Variants in LRBA observed in about 807,000 individuals in gnomAD.
The protein encoded by LRBA is LPS responsive beige-like anchor protein.
In LRBA, 176 loss-of-function variants were observed where a neutral mutation model predicts 330.0. That is an observed-to-expected ratio of 0.53 (90% CI 0.47 to 0.60). The LOEUF is 0.60. Ranked by LOEUF, LRBA falls within the 20% of genes least tolerant of loss-of-function variation. The pLI, the probability that LRBA is intolerant of heterozygous loss-of-function variation, is 0.00. For synonymous variants in LRBA, 1,230 were observed against 1,193.0 expected (o/e 1.03, Z -0.64); for missense variants, 3,259 against 3,444.8 (o/e 0.95, Z 1.35).
At chr4:150,378,842 T>C (rs1741756098) in intron 47 of LRBA, among the ~76,000 whole-genome samples, 1 of 152,074 alleles carries the variant, frequency 6.6e-6, no homozygotes, top group South Asian at 2.1e-4. Context: ...TAGCAATCAC[T>C]CAGGGAACAG....
At position 150,868,118 on chromosome 4, in the gene LRBA, T is replaced by C. The variant is rs141084708; in HGVS notation, c.2573+64A>G. The C allele has an allele frequency of 1.5e-4, 218 of 1,497,886 alleles. No individual in the cohort carries two copies. The African/African-American group carries it at 2.3e-3, about 16-fold the overall frequency. 92.8% of individuals were successfully genotyped at this position (1,497,886 alleles called of 1,614,324 possible). A position where few individuals can be genotyped will look rare whatever the true frequency, so the allele number is the denominator to read the frequency against. ...TATTTTTAAAGCAATTTTTCTTAGA[T>C]AAAATGGGCTTATACAAAAGTACAT... On this transcript the variant is annotated intron_variant, in intron 21 of 56. Transcript: ENST00000651943.
At chr4:150,575,622 C>T (rs959392527) in intron 40 of LRBA, among the ~76,000 whole-genome samples, 32 of 151,846 alleles carry the variant, frequency 2.1e-4, no homozygotes, top group African/African-American at 7.7e-4. Flanking sequence ...AGAAATAGCA[C>T]ATAATGCCAA....
intron 40 of LRBA, among the ~76,000 whole-genome samples, chr4:150,532,064 T>C (rs1158690330): frequency 6.6e-6 from 1 of 152,244 alleles, no homozygotes; most frequent in Non-Finnish European, 1.5e-5. Flanking sequence ...TCAAATGGCA[T>C]GTTCTTACAG....
At chr4:150,533,426 G>T (rs967941542) in intron 40 of LRBA, among the ~76,000 whole-genome samples, 1 of 151,924 alleles carries the variant, frequency 6.6e-6, no homozygotes, top group African/African-American at 2.4e-5. Context: ...TGTCTCCTTG[G>T]GCTCCCAAAG....
At chr4:150,803,274 T>G (rs1285991965) in intron 33 of LRBA, among the ~76,000 whole-genome samples, 1 of 151,882 alleles carries the variant, frequency 6.6e-6, no homozygotes, top group Non-Finnish European at 1.5e-5. Flanking sequence ...TGCTATTAAG[T>G]ATTCAAGGGT....
chr4:150,492,331 G>A (rs1342419494), intron 40 of LRBA, among the ~76,000 whole-genome samples: 24 of 151,976 alleles, frequency 1.6e-4, no homozygotes, highest in Admixed American at 1.6e-3. Context: ...AAAACAAAAA[G>A]TTCAAAAGAC....
chr4:151,000,018 T>C (rs1322394568), intron 2 of LRBA, among the ~76,000 whole-genome samples: 1 of 152,200 alleles, frequency 6.6e-6, no homozygotes, highest in African/African-American at 2.4e-5. Flanking sequence ...AAGTTTAATT[T>C]ATAAATTAGG....
chr4:150,590,593 C>A, intron 39 of LRBA, 120 bp downstream of exon 39: 4 of 784,208 alleles, frequency 5.1e-6, no homozygotes, highest in South Asian at 3.9e-5. Context: ...TTGAAATAAC[C>A]AATTAATGTA....
intron 52 of LRBA, among the ~76,000 whole-genome samples, chr4:150,308,039 A>T (rs1457997880): frequency 1.3e-5 from 2 of 152,248 alleles, no homozygotes; most frequent in Admixed American, 1.3e-4. Context: ...AGGAGTATGG[A>T]CTCAAACATT....
chr4:151,014,178 G>T, intron 2 of LRBA: 1 of 377,446 alleles, frequency 2.6e-6, no homozygotes, highest in East Asian at 4.0e-5. Flanking sequence ...TACTTCCATA[G>T]CAACAATTAT....
intron 37 of LRBA, among the ~76,000 whole-genome samples, chr4:150,639,019 A>G (rs1778219459): frequency 9.4e-6 from 1 of 105,974 alleles, no homozygotes; most frequent in Non-Finnish European, 1.9e-5. Flanking sequence ...AATACTATGC[A>G]GCCATAAAAA....
rs771522727 is a variant in LRBA at position 150,952,618 on chromosome 4, A to G, written c.217-23553T>C. Among the ~76,000 whole-genome samples, 74 of 151,932 alleles carry G rather than the reference A, an allele frequency of 4.9e-4. 1 individual carries two copies. The highest frequency in any genetic ancestry group is 3.4e-4 in the Non-Finnish European group (23 of 67,960). Reference sequence around the variant, plus strand: ...CTGAGCCTCATCCTGACCGTCTATAAGGCCGTCTGTTTCTCTCTCTCTTTC... The same window carrying G: ...CTGAGCCTCATCCTGACCGTCTATAGGGCCGTCTGTTTCTCTCTCTCTTTC... On this transcript the variant is annotated intron_variant, in intron 2 of 56. Transcript: ENST00000651943.
intron 37 of LRBA, among the ~76,000 whole-genome samples, chr4:150,657,838 T>G (rs2083853265): frequency 6.6e-6 from 1 of 152,192 alleles, no homozygotes; most frequent in Admixed American, 6.5e-5. Context: ...TAATATAAGA[T>G]TTAACAGTTT....
At chr4:150,584,318 T>C (rs1334129266) in intron 40 of LRBA, 3 of 478,894 alleles carry the variant, frequency 6.3e-6, no homozygotes, top group Non-Finnish European at 1.1e-5. Context: ...AAGTGATCGT[T>C]TTCTTCCAAA....
chr4:150,327,220 T>G (rs146672955), intron 48 of LRBA, among the ~76,000 whole-genome samples: 6 of 152,134 alleles, frequency 3.9e-5, no homozygotes, highest in African/African-American at 1.4e-4. Context: ...GGCCAGGAGT[T>G]CAAGAACGGC....
At chr4:150,942,437 A>C (rs1484276989) in intron 2 of LRBA, among the ~76,000 whole-genome samples, 1 of 152,132 alleles carries the variant, frequency 6.6e-6, no homozygotes. Flanking sequence ...CTTAAGGCCC[A>C]GCTCAAGAAA....
chr4:150,922,269 C>T (rs1733367882), intron 4 of LRBA, among the ~76,000 whole-genome samples: 1 of 151,908 alleles, frequency 6.6e-6, no homozygotes, highest in South Asian at 2.1e-4. Flanking sequence ...TTACTATATT[C>T]CACTGTTAAA....
chr4:150,804,995 T>C (rs1368825059), intron 33 of LRBA, among the ~76,000 whole-genome samples: 1 of 151,940 alleles, frequency 6.6e-6, no homozygotes, highest in African/African-American at 2.4e-5. Context: ...AAGATGAAGA[T>C]TGGTATTTTG....
intron 47 of LRBA, among the ~76,000 whole-genome samples, chr4:150,404,019 G>A (rs1013679280): frequency 6.6e-5 from 10 of 151,888 alleles, no homozygotes; most frequent in Non-Finnish European, 8.8e-5. Flanking sequence ...GCGACAGAGC[G>A]AGATTCTGTC....
Sources: allele counts gnomAD v4.1 joint callset (sites outside exome capture counted in the v4.1 genomes callset), GRCh38; gene constraint gnomAD v4.1.1; transcripts MANE v1.5; gene names NCBI Gene and HGNC (gene_info 2026-07-23, HGNC 2026-07-21).